The following NEIL3 variants were observed in gnomAD, a reference collection of about 807,000 sequenced individuals.
The protein encoded by NEIL3 is nei like DNA glycosylase 3, also known as endonuclease 8-like 3.
NEIL3 carries 48 observed loss-of-function variants against 57.5 expected under a neutral mutation model. The ratio of observed to expected loss-of-function variants is 0.83; its 90% CI spans 0.66 to 1.06. The LOEUF (loss-of-function observed/expected upper bound fraction) is 1.06, where lower values mean the gene tolerates loss of function less well. Among genes scored for constraint, NEIL3 ranks in the 50% least tolerant of loss-of-function variants. The pLI is 0.00. For missense variants in NEIL3, 717 were observed against 739.1 expected, an observed-to-expected ratio of 0.97 and a Z score of 0.35; for synonymous variants, 261 against 253.2, an observed-to-expected ratio of 1.03 and a Z score of -0.29.
intron 5 of NEIL3, 117 bp downstream of exon 5, chr4:177,339,974 C>A: frequency 3.0e-6 from 2 of 667,526 alleles, no homozygotes; most frequent in Non-Finnish European, 5.3e-6. Context: ...CATGGAGGTA[C>A]ATTAAGGGAG....
Position 177,312,721 on chromosome 4 carries a change from G to T in NEIL3, c.156+2612G>T, listed in dbSNP as rs1734500161. 2.6e-5 allele frequency among the ~76,000 whole-genome samples: 4 copies of T among 152,090 alleles called. No individual in the cohort carries two copies. In the South Asian group the frequency reaches 8.3e-4, roughly 32 times the overall value. ...TTGATAGAAAGAGGCATTAAAAATT[G>T]GAATAGGTCTTTGTGGTTAGTATCA... On this transcript the variant is annotated intron_variant, in intron 1 of 9. Coordinates refer to ENST00000264596, the MANE Select transcript of NEIL3 (RefSeq NM_018248.3).
intron 2 of NEIL3, among the ~76,000 whole-genome samples, chr4:177,324,612 T>C (rs1374321232): frequency 6.6e-6 from 1 of 152,186 alleles, no homozygotes; most frequent in Non-Finnish European, 1.5e-5. Context: ...TTAGGAGCAC[T>C]ATTGTGTTAT....
At chr4:177,340,950 T>A (rs989658347) in intron 5 of NEIL3, among the ~76,000 whole-genome samples, 3 of 152,120 alleles carry the variant, frequency 2.0e-5, no homozygotes, top group African/African-American at 7.2e-5. Context: ...TCTTTTTTTA[T>A]TAATGAATCT....
intron 2 of NEIL3, among the ~76,000 whole-genome samples, chr4:177,333,094 G>T (rs887548686): frequency 5.9e-5 from 9 of 151,264 alleles, no homozygotes; most frequent in African/African-American, 1.2e-4. Context: ...CCCAGCATAG[G>T]TTTTACAACT....
chr4:177,361,847 A>G (rs1735613302), intron 9 of NEIL3, among the ~76,000 whole-genome samples: 1 of 151,976 alleles, frequency 6.6e-6, no homozygotes, highest in Admixed American at 6.6e-5. Context: ...GCTGGTTTCA[A>G]ACTCTTGTGC....
the NEIL3 span, among the ~76,000 whole-genome samples, chr4:177,368,937 T>C: frequency 1.3e-5 from 2 of 152,170 alleles, no homozygotes. Flanking sequence ...TAGGGACATA[T>C]AGAGATGAGT....
intron 5 of NEIL3, among the ~76,000 whole-genome samples, 189 bp downstream of exon 5, chr4:177,340,046 C>A (rs970288799): frequency 3.9e-5 from 6 of 152,184 alleles, no homozygotes; most frequent in Non-Finnish European, 8.8e-5. Context: ...AGTTCAAACT[C>A]GTCTAACTAT....
intron 1 of NEIL3, among the ~76,000 whole-genome samples, chr4:177,318,095 C>CA (rs1734608590): frequency 6.6e-6 from 1 of 152,106 alleles, no homozygotes; most frequent in African/African-American, 2.4e-5. Context: ...CTATATTCCC[C>CA]ACAGTGTAGG....
At chr4:177,365,805 C>T (rs191051757), downstream of NEIL3, among the ~76,000 whole-genome samples, 10 of 152,204 alleles carry the variant, frequency 6.6e-5, no homozygotes, top group Non-Finnish European at 1.0e-4. Context: ...GATTATTTTG[C>T]TTAAAGTCAC....
chr4:177,342,142 T>C (rs1418511602), intron 6 of NEIL3, among the ~76,000 whole-genome samples: 1 of 152,244 alleles, frequency 6.6e-6, no homozygotes, highest in African/African-American at 2.4e-5. Flanking sequence ...GCAGGATAGG[T>C]TTGAGGACTT....
At position 177,314,612 on chromosome 4, in the gene NEIL3, A is replaced by G. The variant is rs150674625; in HGVS notation, c.156+4503A>G. ...TTGTAATCATTTGGTGCCTTCAGAT[A>G]AGGTACAAAGTCTTTAGTCTGAGTA... On this transcript the variant is annotated intron_variant, in intron 1 of 9. Transcript: ENST00000264596. 3.2e-4 allele frequency among the ~76,000 whole-genome samples: 48 copies of G among 152,268 alleles called. No individual in the cohort carries two copies. The East Asian group carries it at 8.7e-3, about 28-fold the overall frequency.
intron 8 of NEIL3, among the ~76,000 whole-genome samples, chr4:177,358,491 G>A (rs764081476): frequency 1.3e-4 from 20 of 152,016 alleles, no homozygotes; most frequent in African/African-American, 2.9e-4. Flanking sequence ...ATTTTTAGTC[G>A]AGACGGGGTT....
intron 1 of NEIL3, among the ~76,000 whole-genome samples, chr4:177,312,313 A>G (rs990412993): frequency 3.9e-5 from 6 of 152,216 alleles, no homozygotes; most frequent in African/African-American, 1.4e-4. Flanking sequence ...CCTCTTAACC[A>G]TGCCATAGCT....
chr4:177,368,319 G>T, the NEIL3 span, among the ~76,000 whole-genome samples: 1 of 151,920 alleles, frequency 6.6e-6, no homozygotes, highest in South Asian at 2.1e-4. Flanking sequence ...AAAATCCACC[G>T]TTTTCATGTA....
chr4:177,370,965 T>C, the NEIL3 span, among the ~76,000 whole-genome samples: 1 of 151,928 alleles, frequency 6.6e-6, no homozygotes, highest in Non-Finnish European at 1.5e-5. Context: ...TGACTGCGAA[T>C]AGAAAGGGAA....
At chr4:177,315,639 T>C (rs1358645968) in intron 1 of NEIL3, among the ~76,000 whole-genome samples, 1 of 152,186 alleles carries the variant, frequency 6.6e-6, no homozygotes, top group Non-Finnish European at 1.5e-5. Flanking sequence ...ATCTTATAAA[T>C]CTTAGGTTTA....
chr4:177,363,266 G>GT (rs1318562362), downstream of NEIL3, among the ~76,000 whole-genome samples: 2 of 151,926 alleles, frequency 1.3e-5, no homozygotes, highest in South Asian at 2.1e-4. Context: ...GGTTGAATCT[G>GT]TTTTTTTTAA....
At chr4:177,356,203 G>A (rs773885853) in intron 8 of NEIL3, among the ~76,000 whole-genome samples, 1 of 151,980 alleles carries the variant, frequency 6.6e-6, no homozygotes, top group Admixed American at 6.6e-5. Flanking sequence ...TTTCCTTAAT[G>A]CTTTGTAGAA....
chr4:177,323,378 C>T (rs1333952766), intron 2 of NEIL3, among the ~76,000 whole-genome samples: 1 of 152,126 alleles, frequency 6.6e-6, no homozygotes, highest in Non-Finnish European at 1.5e-5. Flanking sequence ...AAAGAAAAGA[C>T]CTGTTCCTGG....
Sources: allele counts gnomAD v4.1 joint callset (sites outside exome capture counted in the v4.1 genomes callset), GRCh38; gene constraint gnomAD v4.1.1; transcripts MANE v1.5; gene names NCBI Gene and HGNC (gene_info 2026-07-23, HGNC 2026-07-21).